The following LRP1B variants were observed in gnomAD, a reference collection of about 807,000 sequenced individuals.
The protein encoded by LRP1B is LDL receptor related protein 1B, also known as low-density lipoprotein receptor-related protein 1B.
A neutral mutation model predicts 556.6 loss-of-function variants in LRP1B; 217 were observed. The ratio of observed to expected loss-of-function variants is 0.39; its 90% confidence interval spans 0.35 to 0.44. The LOEUF is 0.44. Ranked by LOEUF, LRP1B falls within the 20% of genes least tolerant of loss-of-function variation. LRP1B has a pLI of 1.00. For missense variants in LRP1B, 5,053 were observed against 5,620.8 expected (o/e 0.90, Z 3.23); for synonymous variants, 2,047 against 1,865.8 (o/e 1.10, Z -2.50).
At position 140,883,927 on chromosome 2, in the gene LRP1B, G is replaced by A. The variant is rs1455457551; in HGVS notation, c.4059C>T (p.Asp1353=). The part of the protein sequence containing the change: ...DWIAGNIYWI[D]SNLDQIEVAK... Reference sequence around the variant, plus strand: ...CCACTTCGATTTGGTCCAGATTGCTGTCTATCCAGTATATGTTTCCTGCTA... The same window carrying A: ...CCACTTCGATTTGGTCCAGATTGCTATCTATCCAGTATATGTTTCCTGCTA... Residue 1353 remains aspartate, a synonymous_variant, in exon 25 of 91, where the codon GAC becomes GAT. Coordinates refer to ENST00000389484, the MANE Select transcript of LRP1B (RefSeq NM_018557.3). 6.2e-7 allele frequency: 1 copy of A among 1,613,786 alleles called. No homozygotes were observed. Among genetic ancestry groups the A allele is most frequent in the South Asian group, 1.1e-5 (1 of 91,072 alleles).
intron 32 of LRP1B, among the ~76,000 whole-genome samples, chr2:140,791,371 G>A (rs768995786): frequency 1.3e-5 from 2 of 152,090 alleles, no homozygotes; most frequent in Non-Finnish European, 2.9e-5. Context: ...TGAGGTTGCA[G>A]TGAGCCATGA....
At chr2:140,895,634 TGAGCTCTTACTG>T (rs1341768862) in intron 23 of LRP1B, among the ~76,000 whole-genome samples, 5 of 152,154 alleles carry the variant, frequency 3.3e-5, no homozygotes, top group Admixed American at 1.3e-4. Flanking sequence ...CCCTGTAACC[TGAGCTCTTACTG>T]GGTGTCAGGA....
At chr2:141,951,763 T>A (rs1484433713) in intron 1 of LRP1B, among the ~76,000 whole-genome samples, 1 of 152,154 alleles carries the variant, frequency 6.6e-6, no homozygotes, top group Admixed American at 6.6e-5. Flanking sequence ...AACTTATGTA[T>A]AAATTAGGGG....
At chr2:141,172,741 T>C (rs539701611) in intron 7 of LRP1B, among the ~76,000 whole-genome samples, 30 of 152,072 alleles carry the variant, frequency 2.0e-4, no homozygotes, top group Admixed American at 1.2e-3. Context: ...TGTGGAAAAA[T>C]AGACATTATA....
At chr2:140,573,015 A>G (rs1471431845) in intron 43 of LRP1B, among the ~76,000 whole-genome samples, 1 of 151,732 alleles carries the variant, frequency 6.6e-6, no homozygotes, top group African/African-American at 2.4e-5. Context: ...TAGAAAAAGG[A>G]GATGTCGGTT....
intron 75 of LRP1B, among the ~76,000 whole-genome samples, chr2:140,353,873 T>C (rs986435519): frequency 2.6e-5 from 4 of 152,074 alleles, no homozygotes; most frequent in African/African-American, 9.7e-5. Context: ...ATGAAGTGAC[T>C]ACGTAACAAG....
At chr2:142,027,255 C>A (rs1269107902) in intron 1 of LRP1B, among the ~76,000 whole-genome samples, 1 of 151,410 alleles carries the variant, frequency 6.6e-6, no homozygotes, top group African/African-American at 2.4e-5. Flanking sequence ...ACTGTCTAGT[C>A]TAATCCTTTC....
intron 86 of LRP1B, chr2:140,269,234 C>A (rs1269007348): frequency 4.3e-6 from 2 of 468,902 alleles, no homozygotes; most frequent in Non-Finnish European, 8.9e-6. Context: ...TGATGTCACA[C>A]GAAGCGCAGC....
At chr2:141,068,581 A>C (rs1699548407) in intron 7 of LRP1B, among the ~76,000 whole-genome samples, 1 of 150,454 alleles carries the variant, frequency 6.6e-6, no homozygotes, top group African/African-American at 2.4e-5. Context: ...AAAAAAAGGA[A>C]AGATGGTGTT....
At chr2:142,073,135 A>G (rs1449569407) in intron 1 of LRP1B, among the ~76,000 whole-genome samples, 1 of 152,044 alleles carries the variant, frequency 6.6e-6, no homozygotes, top group East Asian at 1.9e-4. Flanking sequence ...CTAATACACT[A>G]TCATTTTTCC....
At chr2:140,235,000 A>C in intron 89 of LRP1B, 116 bp from the exon 90 acceptor site, 1 of 520,642 alleles carries the variant, frequency 1.9e-6, no homozygotes, top group Non-Finnish European at 3.5e-6. Context: ...GCCTTACACC[A>C]TTTACAGTGT....
chr2:141,591,732 G>A (rs1327788442), intron 2 of LRP1B, among the ~76,000 whole-genome samples: 1 of 151,914 alleles, frequency 6.6e-6, no homozygotes, highest in Non-Finnish European at 1.5e-5. Context: ...TTTTAAAGGT[G>A]GACCATGGTT....
rs71391660 is a variant in LRP1B, at chr2:141,586,952, GA to G, written c.206-106420del. 3.7e-3 allele frequency among the ~76,000 whole-genome samples: 360 copies of G among 96,828 alleles called. 2 individuals are homozygous for G. The highest frequency in any genetic ancestry group is 0.012 in the African/African-American group (294 of 25,170). The allele number at this position is 96,828 out of a possible 152,430, so 63.5% of individuals were successfully genotyped here. On this transcript the variant is annotated intron_variant, in intron 2 of 90. Transcript: ENST00000389484. ...GTGAGACTCCATCTCAAAAAAAAAA[GA>G]AAAAAAAAAAAAGAAGAGAGAGAGA...
At chr2:140,677,552 G>T (rs1180048080) in intron 41 of LRP1B, among the ~76,000 whole-genome samples, 1 of 152,068 alleles carries the variant, frequency 6.6e-6, no homozygotes, top group Non-Finnish European at 1.5e-5. Flanking sequence ...AATGGAAGTA[G>T]ATGAAAATGG....
chr2:140,423,007 C>A (rs1685511367), intron 66 of LRP1B, among the ~76,000 whole-genome samples: 1 of 151,886 alleles, frequency 6.6e-6, no homozygotes, highest in South Asian at 2.1e-4. Context: ...CAGCATTGAG[C>A]CAAAAAAACA....
chr2:140,253,294 A>G (rs1307340619), intron 86 of LRP1B, among the ~76,000 whole-genome samples: 1 of 152,114 alleles, frequency 6.6e-6, no homozygotes, highest in African/African-American at 2.4e-5. Context: ...TTAATGTGGT[A>G]AAGTAAAAAG....
At chr2:141,131,069 C>A (rs1240466484) in intron 7 of LRP1B, among the ~76,000 whole-genome samples, 1 of 151,980 alleles carries the variant, frequency 6.6e-6, no homozygotes. Flanking sequence ...ATAGGTGCAG[C>A]AAACCACCAT....
intron 35 of LRP1B, among the ~76,000 whole-genome samples, chr2:140,767,262 T>A (rs1689153193): frequency 6.6e-6 from 1 of 152,018 alleles, no homozygotes; most frequent in Non-Finnish European, 1.5e-5. Flanking sequence ...TATGCTTGCA[T>A]CCCTTTACAT....
chr2:140,764,282 A>C (rs1433463244), intron 35 of LRP1B, among the ~76,000 whole-genome samples: 2 of 152,174 alleles, frequency 1.3e-5, no homozygotes, highest in Non-Finnish European at 2.9e-5. Context: ...TACTAGCACA[A>C]ATTTGCAGAA....
Sources: allele counts gnomAD v4.1 joint callset (sites outside exome capture counted in the v4.1 genomes callset), GRCh38; gene constraint gnomAD v4.1.1; transcripts MANE v1.5; gene names NCBI Gene and HGNC (gene_info 2026-07-23, HGNC 2026-07-21).